SUGCT: variants seen among roughly 807,000 people sequenced by gnomAD.
SUGCT encodes the protein succinyl-CoA:glutarate CoA-transferase.
In SUGCT, 41 loss-of-function variants were observed where a neutral mutation model predicts 55.0. The observed-to-expected ratio is 0.74, with a 90% CI of 0.58 to 0.97. The LOEUF (loss-of-function observed/expected upper bound fraction) is 0.97, where lower values mean the gene tolerates loss of function less well. Among genes scored for constraint, SUGCT ranks in the 50% least tolerant of loss-of-function variants. SUGCT has a pLI of 0.00. For missense variants in SUGCT, 568 were observed against 547.8 expected (o/e 1.04, Z -0.37); for synonymous variants, 187 against 200.4 (o/e 0.93, Z 0.56).
intron 13 of SUGCT, among the ~76,000 whole-genome samples, chr7:40,835,549 A>G (rs1400253641): frequency 1.3e-5 from 2 of 152,200 alleles, no homozygotes; most frequent in South Asian, 2.1e-4. Context: ...ATCTCCAGAA[A>G]CTGTTTTCTG....
intron 12 of SUGCT, among the ~76,000 whole-genome samples, chr7:40,666,390 G>GGAAGGAAGGAAA (rs1554398428): frequency 3.3e-4 from 46 of 138,518 alleles, no homozygotes; most frequent in African/African-American, 1.2e-3. Context: ...AAGGAAGGAA[G>GGAAGGAAGGAAA]GAAAGAAAGA....
chr7:40,692,445 A>G (rs1227217295), intron 12 of SUGCT, among the ~76,000 whole-genome samples: 2 of 152,194 alleles, frequency 1.3e-5, no homozygotes, highest in African/African-American at 4.8e-5. Context: ...AAAATTTGAA[A>G]GCTTGACAGT....
intron 9 of SUGCT, among the ~76,000 whole-genome samples, chr7:40,377,463 G>A (rs879626871): frequency 6.0e-5 from 9 of 151,168 alleles, no homozygotes; most frequent in Non-Finnish European, 1.0e-4. Context: ...GGCTGGTCTC[G>A]ATCTTCTCAC....
At chr7:40,799,333 A>G (rs1056437424) in intron 13 of SUGCT, among the ~76,000 whole-genome samples, 1 of 152,202 alleles carries the variant, frequency 6.6e-6, no homozygotes, top group Non-Finnish European at 1.5e-5. Context: ...TTTATGTAGC[A>G]TATTTTGCTT....
At chr7:40,266,179 C>A (rs1400455870) in intron 7 of SUGCT, among the ~76,000 whole-genome samples, 2 of 86,352 alleles carry the variant, frequency 2.3e-5, no homozygotes, top group Admixed American at 3.4e-4. Flanking sequence ...TCTTTTCTTT[C>A]CTTTCCTTTT....
chr7:40,855,619 A>G (rs1205967479), intron 13 of SUGCT, among the ~76,000 whole-genome samples: 1 of 152,116 alleles, frequency 6.6e-6, no homozygotes, highest in Non-Finnish European at 1.5e-5. Flanking sequence ...TGGTTGATCA[A>G]TCTTTTATAG....
At chr7:40,750,295 G>A (rs10228025) in intron 13 of SUGCT, among the ~76,000 whole-genome samples, 59,046 of 152,096 alleles carry the variant, frequency 0.39, 12,936 homozygotes, top group South Asian at 0.57. Flanking sequence ...TCCAGCAATG[G>A]AGTTCCAAAT....
chr7:40,373,938 G>A (rs577797155), intron 9 of SUGCT, among the ~76,000 whole-genome samples: 18 of 152,174 alleles, frequency 1.2e-4, no homozygotes, highest in African/African-American at 2.6e-4. Flanking sequence ...TTACTTTGGC[G>A]TCAATTACTA....
At chr7:40,537,811 A>G (rs1335036822) in intron 12 of SUGCT, among the ~76,000 whole-genome samples, 2 of 152,196 alleles carry the variant, frequency 1.3e-5, no homozygotes, top group Non-Finnish European at 2.9e-5. Context: ...AGAAGTCCAA[A>G]CATGGTCACA....
chr7:40,457,041 A>G (rs1051421943), intron 10 of SUGCT, among the ~76,000 whole-genome samples: 2 of 151,490 alleles, frequency 1.3e-5, no homozygotes, highest in Non-Finnish European at 2.9e-5. Context: ...TTTGCTACTC[A>G]GTTTATGGTG....
At chr7:40,195,708 CTTTTTTT>C (rs928397687) in intron 6 of SUGCT, among the ~76,000 whole-genome samples, 17 of 69,416 alleles carry the variant, frequency 2.4e-4, no homozygotes, top group African/African-American at 7.1e-4. Flanking sequence ...GAAAACAATT[CTTTTTTT>C]TTTTTTTTTT....
chr7:40,504,053 C>G (rs1455838694), intron 12 of SUGCT, among the ~76,000 whole-genome samples: 2 of 152,152 alleles, frequency 1.3e-5, no homozygotes, highest in South Asian at 4.1e-4. Flanking sequence ...TGAAGGTCAG[C>G]TTTGCTAACC....
At chr7:40,989,402 A>C in the SUGCT span, among the ~76,000 whole-genome samples, 1 of 152,142 alleles carries the variant, frequency 6.6e-6, no homozygotes, top group African/African-American at 2.4e-5. Context: ...TTGTCATTTC[A>C]ACAATGTTCA....
chr7:40,616,283 C>T (rs1294195435), intron 12 of SUGCT, among the ~76,000 whole-genome samples: 1 of 152,116 alleles, frequency 6.6e-6, no homozygotes, highest in Non-Finnish European at 1.5e-5. Context: ...GCAACCTCCA[C>T]CTCCTGGGCT....
At chr7:40,516,237 T>G (rs934717792) in intron 12 of SUGCT, among the ~76,000 whole-genome samples, 2 of 152,206 alleles carry the variant, frequency 1.3e-5, no homozygotes, top group African/African-American at 4.8e-5. Context: ...TAAGAGTTCT[T>G]GAGAGCATCT....
At chr7:40,389,286 C>T (rs775177512) in intron 9 of SUGCT, among the ~76,000 whole-genome samples, 5 of 151,928 alleles carry the variant, frequency 3.3e-5, no homozygotes. Context: ...CCCATCTCTA[C>T]AAGAATACAA....
At chr7:40,489,401 C>G (rs1349316632) in intron 11 of SUGCT, among the ~76,000 whole-genome samples, 4 of 152,166 alleles carry the variant, frequency 2.6e-5, no homozygotes, top group Non-Finnish European at 5.9e-5. Context: ...CTATTTTGGG[C>G]CAGGCGTGGT....
intron 9 of SUGCT, among the ~76,000 whole-genome samples, chr7:40,412,564 T>A (rs1786753716): frequency 6.6e-6 from 1 of 152,216 alleles, no homozygotes; most frequent in South Asian, 2.1e-4. Flanking sequence ...TTAGATTTCT[T>A]CTTTATTAAA....
the SUGCT span, among the ~76,000 whole-genome samples, chr7:40,960,358 A>T: frequency 6.6e-6 from 1 of 152,250 alleles, no homozygotes; most frequent in East Asian, 1.9e-4. Flanking sequence ...TGCTCATGCC[A>T]GTGTTTTGTG....
Sources: allele counts gnomAD v4.1 joint callset (sites outside exome capture counted in the v4.1 genomes callset), GRCh38; gene constraint gnomAD v4.1.1; transcripts MANE v1.5; gene names NCBI Gene and HGNC (gene_info 2026-07-23, HGNC 2026-07-21).